Variants in ADAMTS17 observed in about 807,000 individuals in gnomAD.
ADAMTS17 encodes the protein ADAM metallopeptidase with thrombospondin type 1 motif 17.
ADAMTS17 carries 113 observed loss-of-function variants against 141.5 expected under a neutral mutation model. The observed-to-expected ratio is 0.80, with a 90% CI of 0.69 to 0.93. The LOEUF (loss-of-function observed/expected upper bound fraction) is 0.93, where lower values mean the gene tolerates loss of function less well. Among genes scored for constraint, ADAMTS17 ranks in the 40% least tolerant of loss-of-function variants. The pLI is 0.00. For missense variants in ADAMTS17, 1,659 were observed against 1,517.9 expected (o/e 1.09, Z -1.54); for synonymous variants, 768 against 630.6 (o/e 1.22, Z -3.27).
At chr15:100,076,793 CAT>C (rs200567530) in intron 15 of ADAMTS17, among the ~76,000 whole-genome samples, 1,761 of 152,260 alleles carry the variant, frequency 0.012, 40 homozygotes, top group African/African-American at 0.041. Flanking sequence ...CAAACAAAAA[CAT>C]AGCATAGTAT....
At chr15:100,173,910 A>G (rs1403061786) in intron 8 of ADAMTS17, among the ~76,000 whole-genome samples, 1 of 152,160 alleles carries the variant, frequency 6.6e-6, no homozygotes, top group Non-Finnish European at 1.5e-5. Context: ...GAGGCCAAAC[A>G]TCACCACTAG....
At chr15:100,297,997 G>A (rs902041596) in intron 3 of ADAMTS17, among the ~76,000 whole-genome samples, 4 of 152,078 alleles carry the variant, frequency 2.6e-5, no homozygotes, top group Non-Finnish European at 4.4e-5. Context: ...AGGAAGGAAG[G>A]AAGGAGGGGC....
chr15:99,985,788 G>A (rs2060573245), intron 20 of ADAMTS17, among the ~76,000 whole-genome samples: 1 of 152,214 alleles, frequency 6.6e-6, no homozygotes, highest in African/African-American at 2.4e-5. Context: ...GGTCCAATGA[G>A]ATACCCTGAG....
intron 10 of ADAMTS17, among the ~76,000 whole-genome samples, chr15:100,135,241 A>AT (rs1293163635): frequency 7.9e-5 from 12 of 152,202 alleles, no homozygotes; most frequent in African/African-American, 2.9e-4. Flanking sequence ...AGGACTAATG[A>AT]TAAAGTAAGA....
chr15:100,100,345 G>A (rs1221489379), intron 14 of ADAMTS17, among the ~76,000 whole-genome samples: 1 of 152,096 alleles, frequency 6.6e-6, no homozygotes, highest in Admixed American at 6.5e-5. Flanking sequence ...TGGTAATTTC[G>A]CCTTCTCCTT....
At chr15:100,076,878 T>C (rs2034415343) in intron 15 of ADAMTS17, among the ~76,000 whole-genome samples, 1 of 152,200 alleles carries the variant, frequency 6.6e-6, no homozygotes, top group South Asian at 2.1e-4. Flanking sequence ...TTTGCAATTT[T>C]TAAAAACATG....
In ADAMTS17 at chr15:100,054,711, G is replaced by A. The variant is rs77336321; in HGVS notation, c.2138-657C>T. The stretch of plus-strand genomic sequence containing the variant: ...GACGAGCAGTGGTTGGGGGCTGAGC[G>A]TAGCAGGGGAGAGGCACTCTCACAC... On this transcript the variant is annotated intron_variant, in intron 15 of 21. Coordinates refer to ENST00000268070, the MANE Select transcript of ADAMTS17 (RefSeq NM_139057.4). Among the ~76,000 whole-genome samples the A allele has an allele frequency of 3.9e-3, 596 of 152,290 alleles. 7 individuals are homozygous for A. The highest frequency in any genetic ancestry group is 0.014 in the African/African-American group (561 of 41,552).
At chr15:100,245,666 T>C (rs1031080536) in intron 7 of ADAMTS17, among the ~76,000 whole-genome samples, 2 of 152,240 alleles carry the variant, frequency 1.3e-5, no homozygotes, top group Non-Finnish European at 2.9e-5. Flanking sequence ...CAGTGTGGAC[T>C]TCCAGCCAAG....
At position 100,020,056 on chromosome 15, in the gene ADAMTS17, G is replaced by A. The variant is rs148407522; in HGVS notation, c.2592-22467C>T. Among the ~76,000 whole-genome samples the A allele has an allele frequency of 2.1e-3, 325 of 152,062 alleles. 2 individuals carry two copies. Among genetic ancestry groups the A allele is most frequent in the African/African-American group, 5.4e-3 (225 of 41,478 alleles). On this transcript the variant is annotated intron_variant, in intron 18 of 21. Coordinates refer to ENST00000268070, the MANE Select transcript of ADAMTS17 (RefSeq NM_139057.4). ...GCATAGTTTTCCCAGGACAGCAGCCGGAATCGTACCCATCAGAAATAAACA... is the reference window on the plus strand; with the variant it reads ...GCATAGTTTTCCCAGGACAGCAGCCAGAATCGTACCCATCAGAAATAAACA...
rs112058806 is a variant in ADAMTS17 at position 100,320,081 on chromosome 15, T to C, written c.616+10808A>G. On this transcript the variant is annotated intron_variant, in intron 3 of 21. Transcript: ENST00000268070. ...ATAATTGCGAAAATTAAAAACTCAG[T>C]AGAAGATTAAATGGAGATCAGACGT... Among the ~76,000 whole-genome samples the C allele has an allele frequency of 3.2e-3, 481 of 152,152 alleles. 2 individuals carry two copies. The highest frequency in any genetic ancestry group is 0.011 in the African/African-American group (463 of 41,512).
intron 7 of ADAMTS17, among the ~76,000 whole-genome samples, chr15:100,229,744 C>T (rs1350588135): frequency 6.6e-6 from 1 of 152,208 alleles, no homozygotes; most frequent in Admixed American, 6.5e-5. Context: ...GAACTAACTG[C>T]AAAGTTCCCT....
intron 15 of ADAMTS17, among the ~76,000 whole-genome samples, chr15:100,090,670 T>C (rs907802774): frequency 4.6e-5 from 7 of 152,158 alleles, no homozygotes; most frequent in Admixed American, 1.3e-4. Context: ...TCCTTATGCA[T>C]GCGCTCTGCT....
At chr15:100,083,213 C>T (rs565778133) in intron 15 of ADAMTS17, among the ~76,000 whole-genome samples, 1 of 152,272 alleles carries the variant, frequency 6.6e-6, no homozygotes, top group South Asian at 2.1e-4. Context: ...ACTGTGGCAG[C>T]CTGTGAACAG....
Position 100,341,925 on chromosome 15 carries a change from G to A in ADAMTS17, c.-26C>T, listed in dbSNP as rs1596563457. 3 of 1,548,326 alleles carry A rather than the reference G, an allele frequency of 1.9e-6. No individual in the cohort carries two copies. The highest frequency in any genetic ancestry group is 1.2e-5 in the South Asian group (1 of 84,000). ...GGTACCCGGGACCGGCAGCCCCCCCGGACCGTGGCGGCGAAGCAGGAGCGC... is the reference window on the plus strand; with the variant it reads ...GGTACCCGGGACCGGCAGCCCCCCCAGACCGTGGCGGCGAAGCAGGAGCGC... On this transcript the variant is annotated 5_prime_UTR_variant, in exon 1 of 22. Coordinates refer to ENST00000268070, the MANE Select transcript of ADAMTS17 (RefSeq NM_139057.4).
chr15:99,986,922 T>C (rs1048711713), intron 20 of ADAMTS17, among the ~76,000 whole-genome samples: 6 of 152,166 alleles, frequency 3.9e-5, no homozygotes, highest in African/African-American at 1.4e-4. Context: ...ACCAGAGTGA[T>C]AGGAGTGCCC....
At chr15:100,061,974 G>C (rs1482496196) in intron 15 of ADAMTS17, among the ~76,000 whole-genome samples, 4 of 152,258 alleles carry the variant, frequency 2.6e-5, no homozygotes, top group Admixed American at 6.5e-5. Context: ...TGGTGAGGTT[G>C]ACCCAATGTC....
At chr15:100,273,218 G>C (rs1013470951) in intron 4 of ADAMTS17, among the ~76,000 whole-genome samples, 6 of 152,116 alleles carry the variant, frequency 3.9e-5, no homozygotes, top group African/African-American at 1.4e-4. Context: ...CTCACAGAAT[G>C]AGTTAGGAAG....
chr15:100,052,284 A>C (rs1596306134), intron 16 of ADAMTS17, among the ~76,000 whole-genome samples: 1 of 152,198 alleles, frequency 6.6e-6, no homozygotes, highest in East Asian at 1.9e-4. Context: ...CTCACTGGTG[A>C]TACTGATTCT....
chr15:100,249,452 T>G (rs752724479), intron 7 of ADAMTS17, among the ~76,000 whole-genome samples: 1 of 152,070 alleles, frequency 6.6e-6, no homozygotes. Context: ...AAGGCCAGAA[T>G]CTCCCTCACT....
Sources: gnomAD v4.1 joint callset for allele counts (sites outside exome capture counted in the v4.1 genomes callset) on GRCh38, gnomAD v4.1.1 for gene constraint, MANE v1.5 for transcripts, NCBI Gene and HGNC (gene_info 2026-07-23, HGNC 2026-07-21) for gene names.